Variants in RASL11B observed in about 807,000 individuals in gnomAD.
RASL11B encodes ras-like protein family member 11B.
Under a neutral mutation model 22.9 loss-of-function variants are expected in RASL11B, and 14 were observed. The ratio of observed to expected loss-of-function variants is 0.61; its 90% CI spans 0.40 to 0.96. The LOEUF (loss-of-function observed/expected upper bound fraction) is 0.96. RASL11B is among the 40% of genes least tolerant of loss of function. The pLI, the probability that RASL11B is intolerant of heterozygous loss-of-function variation, is 0.00. For missense variants in RASL11B, 261 were observed against 322.0 expected (o/e 0.81, Z 1.45); for synonymous variants, 143 against 130.2 (o/e 1.10, Z -0.67).
In RASL11B at chr4:52,864,396, T is replaced by G. The variant is rs1440392810; in HGVS notation, c.200-82T>G. The G allele has an allele frequency of 8.0e-6, 7 of 874,892 alleles. No homozygotes were observed. In the East Asian group the frequency reaches 1.7e-4, roughly 22 times the overall value. The allele number at this position is 874,892 out of a possible 1,614,324, so 54.2% of individuals were successfully genotyped here. ...TTTGTGTGCATTTATGCATTGTGCA[T>G]TTTTTTTCTAGCTTAAAACTCACAA... On this transcript the variant is annotated intron_variant, in intron 2 of 3. Transcript: ENST00000248706.
At position 52,866,094 on chromosome 4, in the gene RASL11B, C is replaced by T; in HGVS notation, c.*289C>T. ...GGGGGCATAATCGTTTCGGTTTCTG[C>T]ATTCAACTACCTTGTAAATGGTGGT... On this transcript the variant is annotated 3_prime_UTR_variant, in exon 4 of 4. Transcript: ENST00000248706. The T allele has an allele frequency of 2.4e-6, 1 of 421,000 alleles. No homozygotes were observed. The allele number at this position is 421,000 out of a possible 1,614,324, so 26.1% of individuals were successfully genotyped here.
At chr4:52,863,581 A>G (rs947614067) in intron 2 of RASL11B, 2 of 461,128 alleles carry the variant, frequency 4.3e-6, no homozygotes, top group African/African-American at 2.0e-5. Flanking sequence ...AACTATAGTG[A>G]CCCCAGTTGG....
chr4:52,864,660 G>T (rs113335600), intron 3 of RASL11B, 106 bp downstream of exon 3: 20 of 786,786 alleles, frequency 2.5e-5, no homozygotes, highest in Admixed American at 1.7e-4. Context: ...AATTTGGGGA[G>T]TCACATCTAG....
In RASL11B at chr4:52,863,250, C is replaced by CT. The variant is rs760976554; in HGVS notation, c.143-12dup. 3.1e-6 allele frequency: 5 copies of CT among 1,611,696 alleles called. No homozygotes were observed. The highest frequency in any genetic ancestry group is 4.2e-6 in the Non-Finnish European group (5 of 1,178,308). On this transcript the variant is annotated splice_polypyrimidine_tract_variant and intron_variant, in intron 1 of 3. Coordinates refer to ENST00000248706, the MANE Select transcript of RASL11B (RefSeq NM_023940.3). ...CTTCCAAGGTTAACACTTTGACGTT[C>CT]TTTTTTCTGACGTGCAGCACTGGTG...
In RASL11B at chr4:52,866,018, ACT is replaced by A. The variant is rs1450502294; in HGVS notation, c.*218_*219del. The A allele has an allele frequency of 3.5e-6, 2 of 576,982 alleles. No individual in the cohort carries two copies. Among genetic ancestry groups the A allele is most frequent in the Admixed American group, 3.0e-5 (1 of 33,016 alleles). The allele number at this position is 576,982 out of a possible 1,614,324, so 35.7% of individuals were successfully genotyped here. On this transcript the variant is annotated 3_prime_UTR_variant, in exon 4 of 4. Coordinates refer to ENST00000248706, the MANE Select transcript of RASL11B (RefSeq NM_023940.3). Reference sequence around the variant, plus strand: ...GAGGCTTGAAAGAGCCCACTGAGCCACTCTCTGAATATGTGAAATGTACTCTG... The same window carrying A: ...GAGGCTTGAAAGAGCCCACTGAGCCACTCTGAATATGTGAAATGTACTCTG...
chr4:52,863,356 C>G, intron 2 of RASL11B, 32 bp downstream of exon 2: 1 of 1,578,550 alleles, frequency 6.3e-7, no homozygotes. Context: ...AAATTCTGTC[C>G]CATTGCAGGA....
chr4:52,866,070 G>A lies in RASL11B; in HGVS notation c.*265G>A, dbSNP rs1237328013. On this transcript the variant is annotated 3_prime_UTR_variant, in exon 4 of 4. Coordinates refer to ENST00000248706, the MANE Select transcript of RASL11B (RefSeq NM_023940.3). Reference sequence around the variant, plus strand: ...GTGTCTTTTCCTTTAGAGTGGGGAGGGGGCATAATCGTTTCGGTTTCTGCA... The same window carrying A: ...GTGTCTTTTCCTTTAGAGTGGGGAGAGGGCATAATCGTTTCGGTTTCTGCA... 1 of 486,920 alleles carries A rather than the reference G, an allele frequency of 2.1e-6. No homozygotes were observed. The highest frequency in any genetic ancestry group is 1.9e-5 in the African/African-American group (1 of 52,164). The allele number at this position is 486,920 out of a possible 1,614,324, so 30.2% of individuals were successfully genotyped here. A position where few individuals can be genotyped will look rare whatever the true frequency, so the allele number is the denominator to read the frequency against.
intron 2 of RASL11B, among the ~76,000 whole-genome samples, chr4:52,863,773 T>C (rs1367148056): frequency 2.0e-5 from 3 of 152,248 alleles, no homozygotes; most frequent in South Asian, 2.1e-4. Context: ...AGTTCCTCCT[T>C]CTTAACAAAG....
At position 52,862,432 on chromosome 4, in the gene RASL11B, C is replaced by T; in HGVS notation, c.-76C>T. 6.6e-7 allele frequency: 1 copy of T among 1,507,270 alleles called. No individual in the cohort carries two copies. Among genetic ancestry groups the T allele is most frequent in the South Asian group, 1.3e-5 (1 of 79,916 alleles). The allele number at this position is 1,507,270 out of a possible 1,614,324, so 93.4% of individuals were successfully genotyped here. A position where few individuals can be genotyped will look rare whatever the true frequency, so the allele number is the denominator to read the frequency against. ...CCGCGGAGCCCCGCAGTCGGGTCCT[C>T]CCGCCCGCTCCCGCGCAGCGCTAGC... On this transcript the variant is annotated 5_prime_UTR_variant, in exon 1 of 4. Coordinates refer to ENST00000248706, the MANE Select transcript of RASL11B (RefSeq NM_023940.3).
intron 3 of RASL11B, among the ~76,000 whole-genome samples, 154 bp from the exon 4 acceptor site, chr4:52,865,181 T>C (rs1313109943): frequency 1.3e-5 from 2 of 152,178 alleles, no homozygotes; most frequent in Non-Finnish European, 2.9e-5. Flanking sequence ...GATCAACATA[T>C]TGTCAAGAAA....
chr4:52,865,604 T>C lies in RASL11B; in HGVS notation c.546T>C (p.Ser182=), dbSNP rs535097866. Residue 182 remains serine, a synonymous_variant, in exon 4 of 4, where the codon TCT becomes TCC. Transcript: ENST00000248706. ...SMLGCSFYEV[S]VSENYNDVYS... Reference sequence around the variant, plus strand: ...TAGGCTGCTCATTCTATGAAGTGTCTGTCAGTGAAAATTATAATGATGTCT... The same window carrying C: ...TAGGCTGCTCATTCTATGAAGTGTCCGTCAGTGAAAATTATAATGATGTCT... 16 of 1,614,030 alleles carry C rather than the reference T, an allele frequency of 9.9e-6. No individual in the cohort carries two copies. Among genetic ancestry groups the C allele is most frequent in the African/African-American group, 1.3e-5 (1 of 74,908 alleles).
At chr4:52,863,219 A>AGTTT in intron 1 of RASL11B, 49 bp from the exon 2 acceptor site, 1 of 1,560,204 alleles carries the variant, frequency 6.4e-7, no homozygotes, top group Non-Finnish European at 8.8e-7. Flanking sequence ...GTGGAGAACA[A>AGTTT]TCTAACTTCC....
At chr4:52,863,646 TAAAA>T (rs368078680) in intron 2 of RASL11B, 8 of 194,732 alleles carry the variant, frequency 4.1e-5, no homozygotes, top group South Asian at 1.2e-4. Flanking sequence ...GCAAAAGTCG[TAAAA>T]AAAAAAAAAA....
rs1577781924 is a variant in RASL11B at position 52,862,384 on chromosome 4, T to G, written c.-124T>G. 80 of 374,208 alleles carry G rather than the reference T, an allele frequency of 2.1e-4. No individual in the cohort carries two copies. The highest frequency in any genetic ancestry group is 8.6e-4 in the Middle Eastern group (1 of 1,162). 23.2% of individuals were successfully genotyped at this position (374,208 alleles called of 1,614,324 possible). A position where few individuals can be genotyped will look rare whatever the true frequency, so the allele number is the denominator to read the frequency against. On this transcript the variant is annotated 5_prime_UTR_variant, in exon 1 of 4. Transcript: ENST00000248706. ...GGCCCCACCCCGCCCGTACCTGCACTTATTTATTGTTGTTATTTCTTACCG... is the reference window on the plus strand; with the variant it reads ...GGCCCCACCCCGCCCGTACCTGCACGTATTTATTGTTGTTATTTCTTACCG...
In RASL11B at chr4:52,862,662, G is replaced by C; in HGVS notation, c.142+13G>C. ...GTGGGCAAGACCGGTGAGTCGTCGC[G>C]CTTAGCCCTGGGTCTGGTCTTGGAC... On this transcript the variant is annotated intron_variant, in intron 1 of 3. Coordinates refer to ENST00000248706, the MANE Select transcript of RASL11B (RefSeq NM_023940.3). 1.3e-6 allele frequency: 2 copies of C among 1,555,446 alleles called. No homozygotes were observed. Among genetic ancestry groups the C allele is most frequent in the Non-Finnish European group, 1.7e-6 (2 of 1,160,762 alleles).
rs763310439 is a variant in RASL11B, at chr4:52,863,327, G to C, written c.199+3G>C. On this transcript the variant is annotated splice_donor_region_variant and intron_variant, in intron 2 of 3. Transcript: ENST00000248706. ...CGGTGACTATGAAAGAAATGCAGGT[G>C]AGACAATGCATTTGAGAAAAATTCT... 6.8e-6 allele frequency: 11 copies of C among 1,611,784 alleles called. No homozygotes were observed. The highest frequency in any genetic ancestry group is 9.3e-6 in the Non-Finnish European group (11 of 1,178,374).
In RASL11B at chr4:52,862,605, T is replaced by A. The variant is rs1460519095; in HGVS notation, c.98T>A (p.Leu33Gln). ...TGTGTGGGCGCCGCCGGCCGCCGCC[T>A]GGTCAAGATCGCCGTGGTGGGCGCC... ...DCCVGAAGRR[L>Q]VKIAVVGASG... Residue 33 changes from leucine (L) to glutamine (Q), a missense_variant, in exon 1 of 4, where the codon CTG becomes CAG. Leu to Gln is a moderately radical substitution (Grantham distance 113, BLOSUM62 -2). Transcript: ENST00000248706. The A allele has an allele frequency of 1.3e-6, 2 of 1,596,894 alleles. No individual in the cohort carries two copies. The highest frequency in any genetic ancestry group is 2.7e-5 in the African/African-American group (2 of 73,740).
chr4:52,865,634 C>T lies in RASL11B; in HGVS notation c.576C>T (p.Ser192=), dbSNP rs766126288. The T allele has an allele frequency of 2.4e-5, 38 of 1,614,056 alleles. No individual in the cohort carries two copies. The Admixed American group carries it at 2.7e-4, about 11-fold the overall frequency. ...SVSENYNDVY[S]AFHVLCKEVS... is the part of the protein sequence containing the mutation. ...GTGAAAATTATAATGATGTCTACAGCGCCTTCCACGTCCTCTGTAAAGAGG... is the reference window on the plus strand; with the variant it reads ...GTGAAAATTATAATGATGTCTACAGTGCCTTCCACGTCCTCTGTAAAGAGG... The change falls in exon 4 of 4, where the codon AGC becomes AGT. Residue 192 remains serine (S), a synonymous_variant. Coordinates refer to ENST00000248706, the MANE Select transcript of RASL11B (RefSeq NM_023940.3).
In RASL11B at chr4:52,865,386, T is replaced by C. The variant is rs1718236863; in HGVS notation, c.328T>C (p.Trp110Arg). 6.2e-7 allele frequency: 1 copy of C among 1,614,166 alleles called. No homozygotes were observed. ...TGAACAGCTGAATAGGTGCATTCGCTGGGCAGATGCTGTGGTGATCGTTTT... is the reference window on the plus strand; with the variant it reads ...TGAACAGCTGAATAGGTGCATTCGCCGGGCAGATGCTGTGGTGATCGTTTT... ...CSEQLNRCIR[W>R]ADAVVIVFSI... Residue 110 changes from tryptophan to arginine, a missense_variant, in exon 4 of 4, where the codon TGG becomes CGG. Trp to Arg is a moderately radical substitution (Grantham distance 101, BLOSUM62 -3). Coordinates refer to ENST00000248706, the MANE Select transcript of RASL11B (RefSeq NM_023940.3).
Sources: allele counts gnomAD v4.1 joint callset (sites outside exome capture counted in the v4.1 genomes callset), GRCh38; gene constraint gnomAD v4.1.1; transcripts MANE v1.5; gene names NCBI Gene and HGNC (gene_info 2026-07-23, HGNC 2026-07-21).